Variants in BRINP3 observed in about 807,000 individuals in gnomAD.
BRINP3 encodes BMP/retinoic acid inducible neural specific 3, also known as BMP/retinoic acid-inducible neural-specific protein 3.
Under a neutral mutation model 71.0 loss-of-function variants are expected in BRINP3, and 19 were observed. The observed-to-expected ratio is 0.27, with a 90% CI of 0.19 to 0.39. The LOEUF is 0.39. Among genes scored for constraint, BRINP3 ranks in the 10% least tolerant of loss-of-function variants. The probability of loss-of-function intolerance (pLI) is 1.00; values close to 1 mark genes in which losing one functional copy is unlikely to be tolerated. For synonymous variants in BRINP3, 380 were observed against 337.7 expected (o/e 1.13, Z -1.37); for missense variants, 959 against 940.8 (o/e 1.02, Z -0.25).
chr1:190,367,793 C>T (rs1669605715), intron 2 of BRINP3, among the ~76,000 whole-genome samples: 1 of 152,256 alleles, frequency 6.6e-6, no homozygotes, highest in African/African-American at 2.4e-5. Flanking sequence ...TTCCCAAGTT[C>T]CTCATCAACA....
chr1:190,378,611 TTTGTTTTTGC>T (rs752900560), intron 2 of BRINP3, among the ~76,000 whole-genome samples: 27 of 152,348 alleles, frequency 1.8e-4, no homozygotes, highest in Non-Finnish European at 3.1e-4. Flanking sequence ...AATGTTTGTG[TTTGTTTTTGC>T]TTTTAAAATC....
intron 2 of BRINP3, among the ~76,000 whole-genome samples, chr1:190,370,269 G>T (rs1314469334): frequency 6.6e-6 from 1 of 152,000 alleles, no homozygotes; most frequent in South Asian, 2.1e-4. Context: ...AATAGAGAAA[G>T]TCTAAGAAGG....
chr1:190,264,548 T>C (rs573594058), intron 4 of BRINP3, among the ~76,000 whole-genome samples: 1 of 152,184 alleles, frequency 6.6e-6, no homozygotes, highest in Non-Finnish European at 1.5e-5. Context: ...GAAATTGATG[T>C]TATTAAAACA....
intron 3 of BRINP3, among the ~76,000 whole-genome samples, chr1:190,280,198 T>G (rs933084668): frequency 1.3e-5 from 2 of 151,816 alleles, no homozygotes; most frequent in Non-Finnish European, 2.9e-5. Flanking sequence ...GGAAAAGGCC[T>G]CCCTGAAAAA....
At chr1:190,243,694 G>A (rs1659324831) in intron 4 of BRINP3, among the ~76,000 whole-genome samples, 2 of 152,016 alleles carry the variant, frequency 1.3e-5, no homozygotes, top group Admixed American at 6.6e-5. Flanking sequence ...TTGCACTCTG[G>A]TGAGAGTTAC....
chr1:190,354,776 T>TG (rs1668622949), intron 2 of BRINP3, among the ~76,000 whole-genome samples: 1 of 151,712 alleles, frequency 6.6e-6, no homozygotes, highest in African/African-American at 2.4e-5. Flanking sequence ...TAAGTGTTTT[T>TG]TTTTTTTTTT....
In BRINP3 at chr1:190,289,739, C is replaced by A. The variant is rs1571644198; in HGVS notation, c.237-7989G>T. The stretch of plus-strand genomic sequence containing the variant: ...TATAATATAAACTTCTTAAATATTA[C>A]CTGCTTCATATGAACTTCAAAGACA... On this transcript the variant is annotated intron_variant, in intron 2 of 7. Transcript: ENST00000367462. 1.3e-5 allele frequency among the ~76,000 whole-genome samples: 2 copies of A among 152,014 alleles called. 1 individual carries two copies. Among genetic ancestry groups the A allele is most frequent in the South Asian group, 4.2e-4 (2 of 4,816 alleles).
At chr1:190,426,332 C>T (rs748102114) in intron 2 of BRINP3, among the ~76,000 whole-genome samples, 7 of 151,862 alleles carry the variant, frequency 4.6e-5, no homozygotes, top group Non-Finnish European at 1.0e-4. Context: ...CAAGAGACAA[C>T]TGTAATCTAC....
intron 7 of BRINP3, among the ~76,000 whole-genome samples, chr1:190,152,516 A>T (rs1656489482): frequency 6.9e-6 from 1 of 145,692 alleles, no homozygotes; most frequent in African/African-American, 2.6e-5. Context: ...ATATATCGCC[A>T]CAGAATCTCC....
chr1:190,155,409 T>C (rs903332549), intron 7 of BRINP3, among the ~76,000 whole-genome samples: 1 of 152,108 alleles, frequency 6.6e-6, no homozygotes, highest in Non-Finnish European at 1.5e-5. Flanking sequence ...ATATTGACTG[T>C]GGTAGTGAAC....
intron 2 of BRINP3, among the ~76,000 whole-genome samples, chr1:190,286,019 T>C (rs1218860975): frequency 6.6e-6 from 1 of 152,160 alleles, no homozygotes; most frequent in Non-Finnish European, 1.5e-5. Flanking sequence ...TTCAATTAAA[T>C]AGGCACAATC....
At chr1:190,426,574 G>A (rs1673721436) in intron 2 of BRINP3, among the ~76,000 whole-genome samples, 1 of 151,710 alleles carries the variant, frequency 6.6e-6, no homozygotes, top group Admixed American at 6.6e-5. Flanking sequence ...TAGAGCATTT[G>A]GGATTTCAGA....
At chr1:190,163,516 A>C (rs2102468549) in intron 6 of BRINP3, among the ~76,000 whole-genome samples, 1 of 152,206 alleles carries the variant, frequency 6.6e-6, no homozygotes, top group South Asian at 2.1e-4. Context: ...ACCAACTGCA[A>C]AAACAATAAT....
chr1:190,257,404 T>C (rs1001140159), intron 4 of BRINP3, among the ~76,000 whole-genome samples: 1 of 152,130 alleles, frequency 6.6e-6, no homozygotes. Flanking sequence ...TTTTTCAAAT[T>C]TTTTAGCTTC....
chr1:190,215,950 T>C (rs1656375613), intron 6 of BRINP3, among the ~76,000 whole-genome samples: 1 of 151,814 alleles, frequency 6.6e-6, no homozygotes, highest in East Asian at 1.9e-4. Context: ...TATTTTTCCT[T>C]AGGATTATTA....
chr1:190,348,957 A>C (rs1413327007), intron 2 of BRINP3, among the ~76,000 whole-genome samples: 3 of 152,010 alleles, frequency 2.0e-5, no homozygotes, highest in Non-Finnish European at 4.4e-5. Context: ...ATTTTTGTTT[A>C]CTCTTATAAT....
At chr1:190,443,956 G>A (rs1204427936) in intron 2 of BRINP3, among the ~76,000 whole-genome samples, 1 of 152,136 alleles carries the variant, frequency 6.6e-6, no homozygotes, top group African/African-American at 2.4e-5. Flanking sequence ...CAGTCAGCCA[G>A]GCAAGGTGGC....
At chr1:190,150,468 T>G (rs1406009275) in intron 7 of BRINP3, among the ~76,000 whole-genome samples, 2 of 152,200 alleles carry the variant, frequency 1.3e-5, no homozygotes, top group Non-Finnish European at 2.9e-5. Context: ...AAATGTATCA[T>G]TAAAGCAACT....
At chr1:190,356,385 T>G (rs894024109) in intron 2 of BRINP3, among the ~76,000 whole-genome samples, 2 of 152,020 alleles carry the variant, frequency 1.3e-5, no homozygotes, top group Non-Finnish European at 2.9e-5. Context: ...CAGAAATGAC[T>G]GTAAACAACA....
Sources: gnomAD v4.1 joint callset for allele counts (sites outside exome capture counted in the v4.1 genomes callset) on GRCh38, gnomAD v4.1.1 for gene constraint, MANE v1.5 for transcripts, NCBI Gene and HGNC (gene_info 2026-07-23, HGNC 2026-07-21) for gene names.